Variants in PTP4A1 observed in about 807,000 individuals in gnomAD.
The protein encoded by PTP4A1 is protein tyrosine phosphatase 4A1.
PTP4A1 carries 9 observed loss-of-function variants against 20.5 expected under a neutral mutation model. The ratio of observed to expected loss-of-function variants is 0.44; its 90% confidence interval spans 0.26 to 0.77. PTP4A1 has a LOEUF of 0.77. Among genes scored for constraint, PTP4A1 ranks in the 30% least tolerant of loss-of-function variants. The probability of loss-of-function intolerance (pLI) is 0.19; values close to 1 mark genes in which losing one functional copy is unlikely to be tolerated. For missense variants in PTP4A1, 137 were observed against 218.8 expected, an observed-to-expected ratio of 0.63 and a Z score of 2.36; for synonymous variants, 78 against 67.4, an observed-to-expected ratio of 1.16 and a Z score of -0.77.
At chr6:63,558,976 G>A (rs1313182315) in intron 3 of PTP4A1, among the ~76,000 whole-genome samples, 2 of 152,122 alleles carry the variant, frequency 1.3e-5, no homozygotes, top group Non-Finnish European at 2.9e-5. Flanking sequence ...AATGTTGAAG[G>A]GTGATTAGCT....
chr6:63,555,126 T>C (rs1776623963), intron 3 of PTP4A1, among the ~76,000 whole-genome samples: 1 of 152,192 alleles, frequency 6.6e-6, no homozygotes, highest in Non-Finnish European at 1.5e-5. Context: ...TGTTCATTTC[T>C]GGTAATATAA....
intron 2 of PTP4A1, among the ~76,000 whole-genome samples, chr6:63,578,064 T>G (rs1446013546): frequency 2.0e-5 from 3 of 152,108 alleles, no homozygotes; most frequent in African/African-American, 7.2e-5. Flanking sequence ...AAATAATGCC[T>G]TTAGTTACAT....
chr6:63,534,790 T>TTCTTTAGTAAAGAATTTCATAAAGAATG (rs1775638797), intron 2 of PTP4A1, among the ~76,000 whole-genome samples: 2 of 152,022 alleles, frequency 1.3e-5, no homozygotes, highest in Admixed American at 1.3e-4. Flanking sequence ...ACTAAAGAAT[T>TTCTTTAGTAAAGAATTTCATAAAGAATG]TCTTTAGTAA....
At chr6:63,574,815 G>C (rs1178242785) in intron 1 of PTP4A1, among the ~76,000 whole-genome samples, 1 of 152,092 alleles carries the variant, frequency 6.6e-6, no homozygotes, top group African/African-American at 2.4e-5. Context: ...TTAGAATTTG[G>C]GGTGAAAGTA....
At position 63,526,833 on chromosome 6, in the gene PTP4A1, ATATT is replaced by A. The variant is rs1287951488; in HGVS notation, c.-905-973_-905-970del. Among the ~76,000 whole-genome samples the A allele has an allele frequency of 1.5e-3, 189 of 127,938 alleles. 2 individuals are homozygous for A. The highest frequency in any genetic ancestry group is 4.0e-3 in the African/African-American group (124 of 30,886). 83.9% of individuals were successfully genotyped at this position (127,938 alleles called of 152,430 possible). A position where few individuals can be genotyped will look rare whatever the true frequency, so the allele number is the denominator to read the frequency against. On this transcript the variant is annotated intron_variant, in intron 1 of 3. Coordinates refer to the PTP4A1 transcript ENST00000639568. ...TATATATATATATATATATATATATATATTTATTTATTTATTCTTCTTAAGGGCT... is the reference window on the plus strand; with the variant it reads ...TATATATATATATATATATATATATATATTTATTTATTCTTCTTAAGGGCT...
At position 63,581,839 on chromosome 6, in the gene PTP4A1, A is replaced by G; in HGVS notation, c.*1665A>G. ...CATACCTTTATAGATTTTGAAATTAATTTAAATATTAGTATTTGGTACATG... is the reference window on the plus strand; with the variant it reads ...CATACCTTTATAGATTTTGAAATTAGTTTAAATATTAGTATTTGGTACATG... On this transcript the variant is annotated 3_prime_UTR_variant, in exon 6 of 6. Transcript: ENST00000626021. 1 of 152,274 alleles carries G rather than the reference A, an allele frequency of 6.6e-6. No individual in the cohort carries two copies. The highest frequency in any genetic ancestry group is 1.9e-4 in the East Asian group (1 of 5,190). The allele number at this position is 152,274 out of a possible 1,614,324, so 9.4% of individuals were successfully genotyped here. A position where few individuals can be genotyped will look rare whatever the true frequency, so the allele number is the denominator to read the frequency against.
rs987291196 is a variant in PTP4A1 at position 63,527,199 on chromosome 6, G to A, written c.-905-620G>A. 5.9e-5 allele frequency among the ~76,000 whole-genome samples: 9 copies of A among 152,250 alleles called. No individual in the cohort carries two copies. The East Asian group carries it at 1.4e-3, about 23-fold the overall frequency. ...AGTGAGTCTTCCTCAGAATTAGTCT[G>A]CTTTGAAGTGCTATAGCAGTTACTT... On this transcript the variant is annotated intron_variant, in intron 1 of 3. Coordinates refer to the PTP4A1 transcript ENST00000639568.
chr6:63,538,226 CA>C (rs1775804688), intron 2 of PTP4A1, among the ~76,000 whole-genome samples: 1 of 152,122 alleles, frequency 6.6e-6, no homozygotes, highest in Non-Finnish European at 1.5e-5. Flanking sequence ...AAATGTTTCC[CA>C]AGTTCTGGTT....
upstream of PTP4A1, chr6:63,572,359 G>C: frequency 3.5e-6 from 1 of 287,344 alleles, no homozygotes; most frequent in Non-Finnish European, 6.4e-6. Context: ...AGTGACGTCC[G>C]GAGGGGGCGG....
chr6:63,561,182 T>G (rs576436014), intron 3 of PTP4A1, among the ~76,000 whole-genome samples: 14 of 152,314 alleles, frequency 9.2e-5, no homozygotes, highest in South Asian at 2.1e-4. Flanking sequence ...CAGGGACTCT[T>G]GCAGTTAAGC....
intron 2 of PTP4A1, among the ~76,000 whole-genome samples, chr6:63,530,043 G>T (rs999124763): frequency 3.3e-5 from 5 of 152,004 alleles, no homozygotes. Flanking sequence ...GAATCATGAA[G>T]ATTAACTGTT....
chr6:63,542,022 G>GGTGTGTGTGTGTGTGTGTGTGT (rs72091849), intron 2 of PTP4A1, among the ~76,000 whole-genome samples: 4 of 146,730 alleles, frequency 2.7e-5, no homozygotes, highest in African/African-American at 1.0e-4. Context: ...AAGAAACTGT[G>GGTGTGTGTGTGTGTGTGTGTGT]GTGTGTGTGT....
chr6:63,579,123 C>G, intron 4 of PTP4A1, 95 bp downstream of exon 4: 1 of 1,380,578 alleles, frequency 7.2e-7, no homozygotes. Flanking sequence ...AATATAAAGT[C>G]AACATTTGTC....
At chr6:63,523,442 G>T (rs1005646661) in intron 1 of PTP4A1, among the ~76,000 whole-genome samples, 6 of 151,994 alleles carry the variant, frequency 3.9e-5, no homozygotes, top group Admixed American at 3.3e-4. Flanking sequence ...GTTTGAACCC[G>T]GGAGGTTGCA....
At position 63,576,423 on chromosome 6, in the gene PTP4A1, T is replaced by G. The variant is rs1011988963; in HGVS notation, c.-445-13T>G. The G allele has an allele frequency of 5.0e-6, 2 of 399,590 alleles. No homozygotes were observed. Among genetic ancestry groups the G allele is most frequent in the East Asian group, 3.6e-5 (1 of 28,084 alleles). 24.8% of individuals were successfully genotyped at this position (399,590 alleles called of 1,614,324 possible). ...TAACTTATTCTCTCTTTCTGTCTTT[T>G]TCTTTTAAACAGCAATTCTGTGGTG... On this transcript the variant is annotated splice_polypyrimidine_tract_variant and intron_variant, in intron 1 of 5. Transcript: ENST00000626021.
At chr6:63,546,621 G>A (rs763768441) in intron 2 of PTP4A1, among the ~76,000 whole-genome samples, 8 of 151,922 alleles carry the variant, frequency 5.3e-5, no homozygotes, top group Non-Finnish European at 1.2e-4. Context: ...CAGAATAAAC[G>A]CTCAAACCAG....
chr6:63,579,166 T>C, intron 4 of PTP4A1, 91 bp from the exon 5 acceptor site: 1 of 1,415,686 alleles, frequency 7.1e-7, no homozygotes, highest in South Asian at 1.4e-5. Flanking sequence ...GGGTGGTAGA[T>C]AATACTTCTG....
chr6:63,525,533 T>C (rs1206309588), intron 1 of PTP4A1, among the ~76,000 whole-genome samples: 3 of 152,216 alleles, frequency 2.0e-5, no homozygotes, highest in African/African-American at 7.2e-5. Flanking sequence ...ACCTAGTTCA[T>C]GCCACTCTCT....
At chr6:63,564,208 G>A (rs781552170) in intron 3 of PTP4A1, among the ~76,000 whole-genome samples, 8 of 151,748 alleles carry the variant, frequency 5.3e-5, no homozygotes, top group Middle Eastern at 3.4e-3. Flanking sequence ...CCCGGGAGAC[G>A]GAGGTTGCAG....
Sources: allele counts gnomAD v4.1 joint callset (sites outside exome capture counted in the v4.1 genomes callset), GRCh38; gene constraint gnomAD v4.1.1; transcripts MANE v1.5; gene names NCBI Gene and HGNC (gene_info 2026-07-23, HGNC 2026-07-21).